Variants in APOC4 observed in about 807,000 individuals in gnomAD.
APOC4 encodes the protein apolipoprotein C-IV.
A neutral mutation model predicts 8.4 loss-of-function variants in APOC4; 10 were observed. That is an observed-to-expected ratio of 1.19 (90% confidence interval 0.74 to 2.03). The LOEUF (loss-of-function observed/expected upper bound fraction) is 2.03. Ranked by LOEUF, APOC4 falls within the 30% of genes most tolerant of loss-of-function variation. The probability of loss-of-function intolerance (pLI) is 0.00; values close to 1 mark genes in which losing one functional copy is unlikely to be tolerated. For synonymous variants in APOC4, 59 were observed against 65.8 expected (o/e 0.90, Z 0.50); for missense variants, 160 against 156.1 (o/e 1.02, Z -0.13).
At position 44,944,785 on chromosome 19, in the gene APOC4, C is replaced by T. The variant is rs551847201; in HGVS notation, c.113C>T (p.Pro38Leu). ...QPEAQEGTLS[P>L]PPKLKMSRWS... ...GAGGCCCAGGAAGGAACCCTGAGCC[C>T]CCCACCAAAGCTAAAGATGAGTCGC... Residue 38 changes from proline (P) to leucine (L), a missense_variant, in exon 2 of 3, where the codon CCC (proline) becomes CTC (leucine). By Grantham distance (98) the Pro-to-Leu change is moderately conservative (BLOSUM62 -3). Transcript: ENST00000592954. The T allele has an allele frequency of 2.5e-6, 4 of 1,611,712 alleles. No individual in the cohort carries two copies. Among genetic ancestry groups the T allele is most frequent in the Middle Eastern group, 3.4e-4 (2 of 5,960 alleles).
chr19:44,943,684 G>A (rs969681150), intron 1 of APOC4, among the ~76,000 whole-genome samples: 6 of 151,622 alleles, frequency 4.0e-5, no homozygotes, highest in South Asian at 2.1e-4. Context: ...CCGAGATCGC[G>A]CCACTGCATT....
Position 44,945,415 on chromosome 19 carries a change from C to A in APOC4, c.*110C>A. 2.8e-6 allele frequency: 3 copies of A among 1,085,750 alleles called. No homozygotes were observed. The highest frequency in any genetic ancestry group is 3.2e-5 in the African/African-American group (2 of 62,498). The allele number at this position is 1,085,750 out of a possible 1,614,324, so 67.3% of individuals were successfully genotyped here. A position where few individuals can be genotyped will look rare whatever the true frequency, so the allele number is the denominator to read the frequency against. ...CCCAGGAGTTCGAGACCAGCCTGGG[C>A]AACACAGCGAGATCTCTTGGGGGTA... On this transcript the variant is annotated 3_prime_UTR_variant, in exon 3 of 3. Coordinates refer to ENST00000592954, the MANE Select transcript of APOC4 (RefSeq NM_001646.3).
Position 44,942,297 on chromosome 19 carries a change from G to T in APOC4, c.20G>T (p.Arg7Met). 1 of 1,613,002 alleles carries T rather than the reference G, an allele frequency of 6.2e-7. No homozygotes were observed. Among genetic ancestry groups the T allele is most frequent in the Non-Finnish European group, 8.5e-7 (1 of 1,179,486 alleles). Residue 7 changes from arginine to methionine, a missense_variant, in exon 1 of 3, where the codon AGG becomes ATG. Coordinates refer to ENST00000592954, the MANE Select transcript of APOC4 (RefSeq NM_001646.3). MSLLRN[R>M]LQALPALCLC... ...CCAGAAATGTCCCTCCTCAGAAACAGGCTCCAGGCCCTGCCTGCCCTGTGC... is the reference window on the plus strand; with the variant it reads ...CCAGAAATGTCCCTCCTCAGAAACATGCTCCAGGCCCTGCCTGCCCTGTGC...
rs951744180 is a variant in APOC4 at position 44,942,264 on chromosome 19, C to T, written c.-14C>T. 10 of 1,604,640 alleles carry T rather than the reference C, an allele frequency of 6.2e-6. No homozygotes were observed. The East Asian group carries it at 9.0e-5, about 14-fold the overall frequency. On this transcript the variant is annotated 5_prime_UTR_variant, in exon 1 of 3. In the 5' UTR this introduces an upstream ATG that the reference lacks. Coordinates refer to ENST00000592954, the MANE Select transcript of APOC4 (RefSeq NM_001646.3). ...AGTTGAGCACAGAGGGACAGAGGCA[C>T]GGAACCCCCAGAAATGTCCCTCCTC...
Position 44,945,227 on chromosome 19 carries a change from C to G in APOC4, c.306C>G (p.Leu102=), listed in dbSNP as rs61069916. Residue 102 remains leucine, a synonymous_variant, in exon 3 of 3, where the codon CTC becomes CTG. Coordinates refer to ENST00000592954, the MANE Select transcript of APOC4 (RefSeq NM_001646.3). Reference sequence around the variant, plus strand: ...GTCCGCTCACCAAGGCCTGGTTCCTCGAATCCAAAGACAGCCTCTTGAAGA... The same window carrying G: ...GTCCGCTCACCAAGGCCTGGTTCCTGGAATCCAAAGACAGCCTCTTGAAGA... The part of the protein sequence containing the change: ...DLGPLTKAWF[L]ESKDSLLKKT... 3 of 1,614,064 alleles carry G rather than the reference C, an allele frequency of 1.9e-6. No individual in the cohort carries two copies. The highest frequency in any genetic ancestry group is 1.7e-6 in the Non-Finnish European group (2 of 1,180,002).
Position 44,942,270 on chromosome 19 carries a change from C to A in APOC4, c.-8C>A. The A allele has an allele frequency of 6.2e-7, 1 of 1,608,870 alleles. No individual in the cohort carries two copies. The highest frequency in any genetic ancestry group is 8.5e-7 in the Non-Finnish European group (1 of 1,177,608). ...GCACAGAGGGACAGAGGCACGGAAC[C>A]CCCAGAAATGTCCCTCCTCAGAAAC... On this transcript the variant is annotated 5_prime_UTR_variant, in exon 1 of 3. Transcript: ENST00000592954.
rs1970306551 is a variant in APOC4 at position 44,945,309 on chromosome 19, G to A, written c.*4G>A. 6.2e-7 allele frequency: 1 copy of A among 1,611,454 alleles called. No individual in the cohort carries two copies. The highest frequency in any genetic ancestry group is 8.5e-7 in the Non-Finnish European group (1 of 1,179,156). On this transcript the variant is annotated 3_prime_UTR_variant, in exon 3 of 3. Transcript: ENST00000592954. Reference sequence around the variant, plus strand: ...TGGGGACAAGGACCAGGGTTAAAATGTTCATAAAAGCCAGGTGTGGTTGTG... The same window carrying A: ...TGGGGACAAGGACCAGGGTTAAAATATTCATAAAAGCCAGGTGTGGTTGTG...
chr19:44,942,436 C>T (rs1022848307), intron 1 of APOC4, 83 bp downstream of exon 1: 12 of 1,382,712 alleles, frequency 8.7e-6, no homozygotes, highest in Admixed American at 4.0e-5. Context: ...TCTGTAGCCA[C>T]GTGAGACATG....
At chr19:44,944,537 AAAAAAAG>A (rs1399307173) in intron 1 of APOC4, among the ~76,000 whole-genome samples, 1 of 151,802 alleles carries the variant, frequency 6.6e-6, no homozygotes, top group African/African-American at 2.4e-5. Context: ...TGTCTCATAA[AAAAAAAG>A]AAAAAAGAAA....
chr19:44,942,732 C>T (rs969897978), intron 1 of APOC4, among the ~76,000 whole-genome samples: 1 of 149,370 alleles, frequency 6.7e-6, no homozygotes, highest in East Asian at 2.0e-4. Flanking sequence ...CTGGTGTGTA[C>T]GTCTGTGTTT....
intron 1 of APOC4, among the ~76,000 whole-genome samples, chr19:44,944,021 G>A (rs1336846766): frequency 6.6e-6 from 1 of 152,160 alleles, no homozygotes; most frequent in African/African-American, 2.4e-5. Flanking sequence ...GCCAATGTCT[G>A]CCCCTGGGGG....
intron 1 of APOC4, among the ~76,000 whole-genome samples, chr19:44,942,895 G>A (rs906858049): frequency 6.6e-6 from 1 of 151,838 alleles, no homozygotes; most frequent in African/African-American, 2.4e-5. Flanking sequence ...AGAGTATTTG[G>A]GACTACAGAC....
chr19:44,944,548 A>C (rs1376265133), intron 1 of APOC4, among the ~76,000 whole-genome samples: 2 of 151,712 alleles, frequency 1.3e-5, no homozygotes, highest in African/African-American at 4.9e-5. Context: ...AAAAAAGAAA[A>C]AAGAAAAAAA....
chr19:44,945,157 G>A lies in APOC4; in HGVS notation c.236G>A (p.Arg79Gln), dbSNP rs779891651. Residue 79 changes from arginine (R) to glutamine (Q), a missense_variant, in exon 3 of 3, where the codon CGG becomes CAG. Coordinates refer to ENST00000592954, the MANE Select transcript of APOC4 (RefSeq NM_001646.3). ...TCCTGTAGGAGCCCGAGCACCTTCC[G>A]GGGCTTCATGCAGACCTACTATGAC... Reference protein sequence around the residue: ...WQWFWSPSTFRGFMQTYYDDH... With the variant: ...WQWFWSPSTFQGFMQTYYDDH... 1.1e-5 allele frequency: 18 copies of A among 1,613,798 alleles called. No homozygotes were observed. Among genetic ancestry groups the A allele is most frequent in the South Asian group, 3.3e-5 (3 of 91,084 alleles).
In APOC4 at chr19:44,945,195, G is replaced by A. The variant is rs1482240379; in HGVS notation, c.274G>A (p.Asp92Asn). The A allele has an allele frequency of 1.2e-6, 2 of 1,614,070 alleles. No homozygotes were observed. Among genetic ancestry groups the A allele is most frequent in the Admixed American group, 1.7e-5 (1 of 60,010 alleles). ...MQTYYDDHLR[D>N]LGPLTKAWFL... ...GACCTACTATGACGACCACCTGAGGGACCTGGGTCCGCTCACCAAGGCCTG... is the reference window on the plus strand; with the variant it reads ...GACCTACTATGACGACCACCTGAGGAACCTGGGTCCGCTCACCAAGGCCTG... The change falls in exon 3 of 3, where the codon GAC (aspartate) becomes AAC (asparagine). Residue 92 changes from aspartate to asparagine, a missense_variant. Transcript: ENST00000592954.
Position 44,945,121 on chromosome 19 carries a change from G to A in APOC4, c.219-19G>A, listed in dbSNP as rs1393593159. Reference sequence around the variant, plus strand: ...TGGGGAGAGCTGGGGCCTCCACTGTGATGTCCTCTCTCCTGTAGGAGCCCG... The same window carrying A: ...TGGGGAGAGCTGGGGCCTCCACTGTAATGTCCTCTCTCCTGTAGGAGCCCG... On this transcript the variant is annotated intron_variant, in intron 2 of 2. Coordinates refer to ENST00000592954, the MANE Select transcript of APOC4 (RefSeq NM_001646.3). 2 of 1,610,648 alleles carry A rather than the reference G, an allele frequency of 1.2e-6. No individual in the cohort carries two copies. Among genetic ancestry groups the A allele is most frequent in the East Asian group, 4.5e-5 (2 of 44,846 alleles).
chr19:44,944,849 G>T lies in APOC4; in HGVS notation c.177G>T (p.Glu59Asp). 6.2e-7 allele frequency: 1 copy of T among 1,608,734 alleles called. No individual in the cohort carries two copies. Among genetic ancestry groups the T allele is most frequent in the Non-Finnish European group, 8.5e-7 (1 of 1,178,194 alleles). The change falls in exon 2 of 3, where the codon GAG becomes GAT. Residue 59 changes from glutamate to aspartate, a missense_variant. Glu to Asp is a conservative substitution (Grantham distance 45). Transcript: ENST00000592954. ...LVRGRMKELLETVVNRTRDGW... is the reference protein window; with the variant it reads ...LVRGRMKELLDTVVNRTRDGW... ...GGGGCAGGATGAAGGAGCTGCTGGA[G>T]ACAGTGGTGAACAGGACCAGAGACG...
intron 1 of APOC4, 62 bp downstream of exon 1, chr19:44,942,415 T>A: frequency 6.5e-7 from 1 of 1,547,524 alleles, no homozygotes; most frequent in Non-Finnish European, 8.8e-7. Flanking sequence ...TGTGGCTGTG[T>A]GTCCTGTGGC....
rs759339514 is a variant in APOC4, at chr19:44,944,838, G to T, written c.166G>T (p.Glu56Ter). The T allele has an allele frequency of 6.2e-7, 1 of 1,608,612 alleles. No homozygotes were observed. The highest frequency in any genetic ancestry group is 2.2e-5 in the East Asian group (1 of 44,750). The change falls in exon 2 of 3, where the codon GAG becomes TAG. Residue 56 changes from glutamate (E) to a stop codon, truncating the protein, a stop_gained. Coordinates refer to ENST00000592954, the MANE Select transcript of APOC4 (RefSeq NM_001646.3). LOFTEE classifies it high-confidence loss of function. ...GAGCCTGGTGAGGGGCAGGATGAAG[G>T]AGCTGCTGGAGACAGTGGTGAACAG... ...RWSLVRGRMKELLETVVNRTR... is the reference protein window; with the variant it reads ...RWSLVRGRMK
Sources: gnomAD v4.1 joint callset for allele counts (sites outside exome capture counted in the v4.1 genomes callset) on GRCh38, gnomAD v4.1.1 for gene constraint, MANE v1.5 for transcripts, NCBI Gene and HGNC (gene_info 2026-07-23, HGNC 2026-07-21) for gene names.